Variants in RCAN2 observed in about 807,000 individuals in gnomAD.
RCAN2 encodes the protein regulator of calcineurin 2.
Under a neutral mutation model 23.6 loss-of-function variants are expected in RCAN2, and 9 were observed. The ratio of observed to expected loss-of-function variants is 0.38; its 90% CI spans 0.23 to 0.67. The LOEUF is 0.67. Ranked by LOEUF, RCAN2 falls within the 30% of genes least tolerant of loss-of-function variation. RCAN2 has a pLI of 0.51. For missense variants in RCAN2, 273 were observed against 302.3 expected, an observed-to-expected ratio of 0.90 and a Z score of 0.72; for synonymous variants, 109 against 115.7, an observed-to-expected ratio of 0.94 and a Z score of 0.37.
chr6:46,398,646 T>C (rs1482058322), intron 2 of RCAN2, among the ~76,000 whole-genome samples: 1 of 152,130 alleles, frequency 6.6e-6, no homozygotes, highest in Admixed American at 6.5e-5. Context: ...GAGTCAAATG[T>C]AACAACATAT....
At chr6:46,361,959 A>G (rs1765027724) in intron 2 of RCAN2, among the ~76,000 whole-genome samples, 1 of 152,230 alleles carries the variant, frequency 6.6e-6, no homozygotes, top group African/African-American at 2.4e-5. Flanking sequence ...CAGCAGAGAA[A>G]GTTTTAAGAG....
intron 2 of RCAN2, among the ~76,000 whole-genome samples, chr6:46,347,655 A>G (rs1216017641): frequency 1.3e-5 from 2 of 152,236 alleles, no homozygotes; most frequent in African/African-American, 4.8e-5. Context: ...ATTCCAATTC[A>G]CTAAAATCTC....
chr6:46,307,627 C>T (rs1763114930), intron 2 of RCAN2, among the ~76,000 whole-genome samples: 1 of 152,080 alleles, frequency 6.6e-6, no homozygotes, highest in African/African-American at 2.4e-5. Flanking sequence ...ACAAAACAGA[C>T]AACATTTACT....
intron 2 of RCAN2, among the ~76,000 whole-genome samples, chr6:46,345,774 A>G (rs992791725): frequency 2.6e-5 from 4 of 152,198 alleles, no homozygotes; most frequent in Non-Finnish European, 4.4e-5. Flanking sequence ...TTCTTTCCAA[A>G]TTGAGCCAGA....
intron 2 of RCAN2, among the ~76,000 whole-genome samples, chr6:46,301,385 T>C (rs1385772447): frequency 6.6e-6 from 1 of 152,046 alleles, no homozygotes; most frequent in East Asian, 1.9e-4. Flanking sequence ...TCAAGGACCC[T>C]GGGAACTTGG....
chr6:46,347,488 G>T lies in RCAN2; in HGVS notation c.226-98592C>A, dbSNP rs529412016. On this transcript the variant is annotated intron_variant, in intron 2 of 4. Transcript: ENST00000371374. ...TTCAGATTTAATAACTACTCTCAGG[G>T]TTACACCTTACATTCAAGGGAAAAG... Among the ~76,000 whole-genome samples the T allele has an allele frequency of 9.2e-5, 14 of 152,104 alleles. 1 individual carries two copies. The highest frequency in any genetic ancestry group is 8.5e-4 in the Admixed American group (13 of 15,276).
chr6:46,248,077 T>C (rs545146969), intron 3 of RCAN2, among the ~76,000 whole-genome samples: 2 of 152,332 alleles, frequency 1.3e-5, no homozygotes, highest in South Asian at 4.1e-4. Context: ...ACTTAAGAGA[T>C]GGATCAAGGT....
intron 2 of RCAN2, among the ~76,000 whole-genome samples, chr6:46,429,876 T>C (rs1767140599): frequency 6.6e-6 from 1 of 152,132 alleles, no homozygotes; most frequent in Non-Finnish European, 1.5e-5. Flanking sequence ...GCAGTGTATA[T>C]GGCAGATAAA....
chr6:46,337,481 AT>A (rs1764179862), intron 2 of RCAN2, among the ~76,000 whole-genome samples: 1 of 152,220 alleles, frequency 6.6e-6, no homozygotes, highest in African/African-American at 2.4e-5. Flanking sequence ...CTTACTCTTT[AT>A]TTGCATTTAA....
rs1413946241 is a variant in RCAN2, at chr6:46,483,867, G to A, written c.-3+7306C>T. On this transcript the variant is annotated intron_variant, in intron 1 of 4. Transcript: ENST00000371374. ...AAAGTAACCTATTCACGAATTATTAGTTTTCACTTGTCAAGGCTAAGAAAT... is the reference window on the plus strand; with the variant it reads ...AAAGTAACCTATTCACGAATTATTAATTTTCACTTGTCAAGGCTAAGAAAT... 3.9e-5 allele frequency among the ~76,000 whole-genome samples: 6 copies of A among 152,130 alleles called. No homozygotes were observed. In the East Asian group the frequency reaches 9.6e-4, roughly 24 times the overall value.
chr6:46,331,638 C>T (rs1216232977), intron 2 of RCAN2, among the ~76,000 whole-genome samples: 1 of 152,182 alleles, frequency 6.6e-6, no homozygotes, highest in Admixed American at 6.5e-5. Context: ...CTCCAAGGAA[C>T]CCCAGTTCCA....
chr6:46,273,544 C>T (rs1767586543), intron 2 of RCAN2, among the ~76,000 whole-genome samples: 1 of 152,108 alleles, frequency 6.6e-6, no homozygotes, highest in African/African-American at 2.4e-5. Flanking sequence ...TTTTCCTTTG[C>T]TGAAGTTAAT....
At chr6:46,405,855 C>T (rs1766385187) in intron 2 of RCAN2, among the ~76,000 whole-genome samples, 1 of 152,158 alleles carries the variant, frequency 6.6e-6, no homozygotes, top group African/African-American at 2.4e-5. Flanking sequence ...CACAGGAGCC[C>T]ATGGAGTGGG....
At chr6:46,429,234 T>G (rs1435699075) in intron 2 of RCAN2, among the ~76,000 whole-genome samples, 4 of 152,154 alleles carry the variant, frequency 2.6e-5, no homozygotes, top group African/African-American at 9.7e-5. Flanking sequence ...ATGCTAGATA[T>G]AAATGAATAG....
At chr6:46,404,882 C>G (rs757603929) in intron 2 of RCAN2, among the ~76,000 whole-genome samples, 5 of 152,112 alleles carry the variant, frequency 3.3e-5, no homozygotes, top group Non-Finnish European at 7.3e-5. Flanking sequence ...ATTTCTTCTT[C>G]CACGTACTGA....
chr6:46,464,269 T>C (rs1175120129), intron 1 of RCAN2, among the ~76,000 whole-genome samples: 1 of 152,196 alleles, frequency 6.6e-6, no homozygotes, highest in Non-Finnish European at 1.5e-5. Flanking sequence ...TTTTGCAGTG[T>C]TTAAAATCCC....
At chr6:46,247,067 A>G (rs1350083154) in intron 3 of RCAN2, 148 bp from the exon 4 acceptor site, 1 of 620,728 alleles carries the variant, frequency 1.6e-6, no homozygotes, top group Admixed American at 3.5e-5. Flanking sequence ...ACCACATACC[A>G]TGTGCTCAAT....
chr6:46,286,409 A>G (rs578253586), intron 2 of RCAN2, among the ~76,000 whole-genome samples: 2 of 152,334 alleles, frequency 1.3e-5, no homozygotes, highest in Middle Eastern at 6.8e-3. Context: ...ACACTATTAT[A>G]TATCATGCAT....
intron 2 of RCAN2, among the ~76,000 whole-genome samples, chr6:46,321,030 C>G (rs1286375399): frequency 6.6e-6 from 1 of 152,096 alleles, no homozygotes; most frequent in Admixed American, 6.6e-5. Flanking sequence ...GCTAAGATGG[C>G]CTCTCTTTCT....
Sources: allele counts gnomAD v4.1 joint callset (sites outside exome capture counted in the v4.1 genomes callset), GRCh38; gene constraint gnomAD v4.1.1; transcripts MANE v1.5; gene names NCBI Gene and HGNC (gene_info 2026-07-23, HGNC 2026-07-21).